TAFA2: variants seen among roughly 807,000 people sequenced by gnomAD.
TAFA2 encodes TAFA chemokine like family member 2.
A neutral mutation model predicts 18.8 loss-of-function variants in TAFA2; 7 were observed. The ratio of observed to expected loss-of-function variants is 0.37; its 90% CI spans 0.21 to 0.70. TAFA2 has a LOEUF of 0.70. Ranked by LOEUF, TAFA2 falls within the 30% of genes least tolerant of loss-of-function variation. The pLI is 0.53. For missense variants in TAFA2, 122 were observed against 158.1 expected, an observed-to-expected ratio of 0.77 and a Z score of 1.23; for synonymous variants, 60 against 54.2, an observed-to-expected ratio of 1.11 and a Z score of -0.47.
chr12:61,839,234 G>A (rs779383688), intron 2 of TAFA2, among the ~76,000 whole-genome samples: 1 of 152,058 alleles, frequency 6.6e-6, no homozygotes, highest in Admixed American at 6.6e-5. Flanking sequence ...TTTTCAGTGG[G>A]CAGACAAAGA....
intron 1 of TAFA2, among the ~76,000 whole-genome samples, chr12:62,169,463 T>C (rs546796152): frequency 6.6e-6 from 1 of 152,250 alleles, no homozygotes; most frequent in South Asian, 2.1e-4. Flanking sequence ...TAAATACGTA[T>C]TTAGTAAAAA....
chr12:62,152,546 T>C (rs2062335864), intron 1 of TAFA2, among the ~76,000 whole-genome samples: 2 of 152,224 alleles, frequency 1.3e-5, no homozygotes, highest in African/African-American at 4.8e-5. Flanking sequence ...AAGAATATTT[T>C]AACAATGTTC....
At chr12:62,235,029 A>G (rs972325039) in intron 1 of TAFA2, 14 of 634,992 alleles carry the variant, frequency 2.2e-5, no homozygotes, top group East Asian at 3.7e-5. Flanking sequence ...AGGGTCCCCA[A>G]TATGAGACAT....
In TAFA2 at chr12:62,070,749, T is replaced by C. The variant is rs190106269; in HGVS notation, c.-2+120510A>G. The stretch of plus-strand genomic sequence containing the variant: ...TAATCATGAATATCATATTAGTATA[T>C]TATAAGCTGTCACTACACTCTTTCT... On this transcript the variant is annotated intron_variant, in intron 1 of 4. Transcript: ENST00000416284. Among the ~76,000 whole-genome samples, 26 of 152,320 alleles carry C rather than the reference T, an allele frequency of 1.7e-4. No homozygotes were observed. The East Asian group carries it at 4.4e-3, about 26-fold the overall frequency.
At chr12:62,245,219 C>T (rs1005216826) in intron 1 of TAFA2, among the ~76,000 whole-genome samples, 4 of 152,028 alleles carry the variant, frequency 2.6e-5, no homozygotes, top group African/African-American at 9.7e-5. Context: ...AGTGTCTCAG[C>T]ACCACATAAT....
chr12:62,178,790 A>T (rs778383740), intron 1 of TAFA2, among the ~76,000 whole-genome samples: 1 of 152,192 alleles, frequency 6.6e-6, no homozygotes, highest in Admixed American at 6.5e-5. Flanking sequence ...ACAGTAAGTA[A>T]ATCTGCCCTG....
chr12:62,250,991 A>G (rs1443316461), intron 1 of TAFA2, among the ~76,000 whole-genome samples: 1 of 132,028 alleles, frequency 7.6e-6, no homozygotes, highest in African/African-American at 2.5e-5. Flanking sequence ...AAAATGCATG[A>G]GTAGGAAATA....
intron 2 of TAFA2, among the ~76,000 whole-genome samples, chr12:61,826,005 T>A (rs75618559): frequency 7.7e-4 from 117 of 152,202 alleles, no homozygotes; most frequent in African/African-American, 2.6e-3. Context: ...ATATATCCTT[T>A]GAGCAATTTT....
chr12:61,804,025 T>C (rs375300370), intron 2 of TAFA2, among the ~76,000 whole-genome samples: 1 of 152,110 alleles, frequency 6.6e-6, no homozygotes, highest in East Asian at 1.9e-4. Flanking sequence ...TTATTATTAC[T>C]CAGCAGACTG....
At chr12:62,126,330 C>T (rs1457951346) in intron 1 of TAFA2, among the ~76,000 whole-genome samples, 1 of 152,054 alleles carries the variant, frequency 6.6e-6, no homozygotes, top group Admixed American at 6.6e-5. Context: ...AGACAATTCT[C>T]CATGGGTGGC....
At chr12:62,067,891 A>C (rs1356076766) in intron 1 of TAFA2, among the ~76,000 whole-genome samples, 1 of 151,994 alleles carries the variant, frequency 6.6e-6, no homozygotes, top group African/African-American at 2.4e-5. Context: ...TTTGTATATT[A>C]TTTGTTTACT....
chr12:62,029,114 T>C (rs927423503), intron 1 of TAFA2, among the ~76,000 whole-genome samples: 2 of 152,162 alleles, frequency 1.3e-5, no homozygotes, highest in African/African-American at 4.8e-5. Context: ...AATTAAAAAT[T>C]AGGTGACATT....
At chr12:61,924,516 A>G (rs1877193613) in intron 1 of TAFA2, among the ~76,000 whole-genome samples, 1 of 152,210 alleles carries the variant, frequency 6.6e-6, no homozygotes, top group African/African-American at 2.4e-5. Context: ...GAGAAATAAA[A>G]TCCTTCACAG....
chr12:62,018,543 T>C (rs1169850195), intron 1 of TAFA2, among the ~76,000 whole-genome samples: 1 of 152,216 alleles, frequency 6.6e-6, no homozygotes, highest in Non-Finnish European at 1.5e-5. Flanking sequence ...ATCTGATCTT[T>C]GACAAACCTC....
chr12:62,033,660 G>T (rs1434934540), intron 1 of TAFA2, among the ~76,000 whole-genome samples: 1 of 152,074 alleles, frequency 6.6e-6, no homozygotes, highest in Non-Finnish European at 1.5e-5. Flanking sequence ...GTGTCATGAT[G>T]TATGTCACCA....
At chr12:61,830,758 A>C (rs2121090389) in intron 2 of TAFA2, among the ~76,000 whole-genome samples, 1 of 152,174 alleles carries the variant, frequency 6.6e-6, no homozygotes, top group African/African-American at 2.4e-5. Context: ...TATTGTAATA[A>C]TGAAATTTAA....
At chr12:61,919,504 C>A (rs191574358) in intron 1 of TAFA2, among the ~76,000 whole-genome samples, 373 of 152,278 alleles carry the variant, frequency 2.4e-3, no homozygotes, top group Non-Finnish European at 3.7e-3. Context: ...AATACACACA[C>A]CCAAGTTCAT....
intron 2 of TAFA2, among the ~76,000 whole-genome samples, chr12:61,799,462 A>G (rs1012351106): frequency 6.6e-6 from 1 of 152,214 alleles, no homozygotes; most frequent in Non-Finnish European, 1.5e-5. Flanking sequence ...TCTTAAGATA[A>G]GACTACTATC....
At chr12:61,943,560 T>G (rs1878130761) in intron 1 of TAFA2, among the ~76,000 whole-genome samples, 1 of 147,352 alleles carries the variant, frequency 6.8e-6, no homozygotes, top group South Asian at 2.2e-4. Context: ...AGGAAACCCA[T>G]CTCACGTGCA....
Sources: gnomAD v4.1 joint callset for allele counts (sites outside exome capture counted in the v4.1 genomes callset) on GRCh38, gnomAD v4.1.1 for gene constraint, MANE v1.5 for transcripts, NCBI Gene and HGNC (gene_info 2026-07-23, HGNC 2026-07-21) for gene names.